The following LRP1B variants were observed in gnomAD, a reference collection of about 807,000 sequenced individuals.
LRP1B encodes the protein LDL receptor related protein 1B.
Under a neutral mutation model 556.6 loss-of-function variants are expected in LRP1B, and 217 were observed. The ratio of observed to expected loss-of-function variants is 0.39; its 90% confidence interval spans 0.35 to 0.44. The LOEUF is 0.44. Among genes scored for constraint, LRP1B ranks in the 20% least tolerant of loss-of-function variants. The probability of loss-of-function intolerance (pLI) is 1.00; values close to 1 mark genes in which losing one functional copy is unlikely to be tolerated. For missense variants in LRP1B, 5,053 were observed against 5,620.8 expected, an observed-to-expected ratio of 0.90 and a Z score of 3.23; for synonymous variants, 2,047 against 1,865.8, an observed-to-expected ratio of 1.10 and a Z score of -2.50.
intron 76 of LRP1B, among the ~76,000 whole-genome samples, chr2:140,351,844 G>A (rs533231303): frequency 1.8e-4 from 28 of 152,144 alleles, no homozygotes; most frequent in African/African-American, 5.8e-4. Context: ...TGTGTCAGAC[G>A]CTATGTTAAG....
chr2:140,893,343 C>T (rs991787677), intron 23 of LRP1B, among the ~76,000 whole-genome samples: 17 of 152,136 alleles, frequency 1.1e-4, no homozygotes, highest in African/African-American at 4.1e-4. Flanking sequence ...AAAGTGGATG[C>T]AAGTAACAAA....
chr2:140,671,353 T>C (rs1685476503), intron 41 of LRP1B, among the ~76,000 whole-genome samples: 1 of 152,134 alleles, frequency 6.6e-6, no homozygotes, highest in Non-Finnish European at 1.5e-5. Flanking sequence ...ACCCCGTCTC[T>C]ACTAAAAATA....
At position 140,969,120 on chromosome 2, in the gene LRP1B, A is replaced by G. The variant is rs537833951; in HGVS notation, c.2887+13040T>C. Among the ~76,000 whole-genome samples the G allele has an allele frequency of 4.2e-3, 637 of 152,224 alleles. 5 individuals are homozygous for G. The highest frequency in any genetic ancestry group is 0.014 in the African/African-American group (596 of 41,552). On this transcript the variant is annotated intron_variant, in intron 18 of 90. Transcript: ENST00000389484. ...CTGTCTCGTTGATCTGTCTAATGTT[A>G]ACAGTGGTGTGTTAAAGTCTCCCAT...
At chr2:141,361,963 T>C (rs1688841249) in intron 3 of LRP1B, among the ~76,000 whole-genome samples, 1 of 152,110 alleles carries the variant, frequency 6.6e-6, no homozygotes, top group African/African-American at 2.4e-5. Flanking sequence ...GTATATAACA[T>C]ATGGAAGGAT....
intron 2 of LRP1B, among the ~76,000 whole-genome samples, chr2:141,496,807 C>A (rs988680568): frequency 6.6e-6 from 1 of 151,632 alleles, no homozygotes; most frequent in African/African-American, 2.4e-5. Flanking sequence ...AAAAGAAGAA[C>A]CAGATATAAA....
intron 3 of LRP1B, among the ~76,000 whole-genome samples, chr2:141,395,139 T>C (rs1690195557): frequency 6.6e-6 from 1 of 152,118 alleles, no homozygotes; most frequent in East Asian, 1.9e-4. Context: ...ATAAATTGAA[T>C]GTAGTGTAAG....
chr2:141,442,273 A>G (rs1193125248), intron 3 of LRP1B, among the ~76,000 whole-genome samples: 1 of 152,200 alleles, frequency 6.6e-6, no homozygotes, highest in Non-Finnish European at 1.5e-5. Context: ...CACTTATGAG[A>G]AAATAAAAGT....
At position 140,840,088 on chromosome 2, in the gene LRP1B, T is replaced by G. The variant is rs1238997319; in HGVS notation, c.5115-3A>C. The G allele has an allele frequency of 6.3e-7, 1 of 1,576,128 alleles. No homozygotes were observed. Among genetic ancestry groups the G allele is most frequent in the African/African-American group, 1.4e-5 (1 of 73,384 alleles). The stretch of plus-strand genomic sequence containing the variant: ...TTCCATCGGTCCAGTAGAGTTTTCT[T>G]AATTCAAAAGACATATGGATTGAAA... On this transcript the variant is annotated splice_polypyrimidine_tract_variant and splice_region_variant and intron_variant, in intron 30 of 90. Transcript: ENST00000389484.
At chr2:140,825,501 T>C (rs533315781) in intron 31 of LRP1B, among the ~76,000 whole-genome samples, 6 of 152,286 alleles carry the variant, frequency 3.9e-5, no homozygotes, top group African/African-American at 1.4e-4. Flanking sequence ...CCATGTTCCT[T>C]ATGTTTTGTT....
At position 141,096,619 on chromosome 2, in the gene LRP1B, GGGGAGAGGGGGAGA is replaced by G. The variant is rs1242570263; in HGVS notation, c.1014-34360_1014-34347del. ...GCACCCTAGCCTGAATGACAAAGACGGGGAGAGGGGGAGAGAGAGAGAGAGAGAGAGAGAGAGAG... is the reference window on the plus strand; with the variant it reads ...GCACCCTAGCCTGAATGACAAAGACGGAGAGAGAGAGAGAGAGAGAGAGAG... On this transcript the variant is annotated intron_variant, in intron 7 of 90. Coordinates refer to ENST00000389484, the MANE Select transcript of LRP1B (RefSeq NM_018557.3). Among the ~76,000 whole-genome samples the G allele has an allele frequency of 1.2e-3, 40 of 34,014 alleles. 1 individual carries two copies. Among genetic ancestry groups the G allele is most frequent in the Middle Eastern group, 0.018 (1 of 56 alleles). 22.3% of individuals were successfully genotyped at this position (34,014 alleles called of 152,430 possible).
At chr2:140,540,240 A>G (rs1441960746) in intron 45 of LRP1B, among the ~76,000 whole-genome samples, 3 of 152,126 alleles carry the variant, frequency 2.0e-5, no homozygotes, top group Non-Finnish European at 1.5e-5. Flanking sequence ...ACACATCCTG[A>G]GAATGATTTC....
In LRP1B at chr2:140,763,041, C is replaced by CT. The variant is rs534123909; in HGVS notation, c.5758+6171dup. On this transcript the variant is annotated intron_variant, in intron 35 of 90. Coordinates refer to ENST00000389484, the MANE Select transcript of LRP1B (RefSeq NM_018557.3). ...AAATAAACAGGTACCAATCTATACTCTAAGTATCAGAGTATGGAGTAATTT... is the reference window on the plus strand; with the variant it reads ...AAATAAACAGGTACCAATCTATACTCTTAAGTATCAGAGTATGGAGTAATTT... Among the ~76,000 whole-genome samples, 27 of 152,158 alleles carry CT rather than the reference C, an allele frequency of 1.8e-4. No homozygotes were observed. The South Asian group carries it at 5.6e-3, about 32-fold the overall frequency.
At chr2:140,661,808 T>G (rs1685103568) in intron 41 of LRP1B, among the ~76,000 whole-genome samples, 2 of 152,236 alleles carry the variant, frequency 1.3e-5, no homozygotes, top group Non-Finnish European at 2.9e-5. Context: ...TATTTCAAAA[T>G]CATGTCATAT....
chr2:141,952,092 C>T (rs1701122949), intron 1 of LRP1B, among the ~76,000 whole-genome samples: 1 of 148,564 alleles, frequency 6.7e-6, no homozygotes, highest in South Asian at 2.1e-4. Context: ...TGAGTGAGAA[C>T]ATGCGGTGTT....
chr2:141,717,441 G>A (rs1692647384), intron 2 of LRP1B, among the ~76,000 whole-genome samples: 1 of 152,184 alleles, frequency 6.6e-6, no homozygotes, highest in South Asian at 2.1e-4. Flanking sequence ...GAACTCCAGT[G>A]TTTTCCAAAT....
intron 41 of LRP1B, among the ~76,000 whole-genome samples, chr2:140,607,553 T>C (rs1682912349): frequency 6.6e-6 from 1 of 151,680 alleles, no homozygotes; most frequent in Admixed American, 6.6e-5. Flanking sequence ...TGAATAAAAT[T>C]TAGTACATCC....
At chr2:141,840,308 C>G (rs1259562833) in intron 1 of LRP1B, among the ~76,000 whole-genome samples, 1 of 138,936 alleles carries the variant, frequency 7.2e-6, no homozygotes, top group Non-Finnish European at 1.5e-5. Context: ...CTGTCGCCCA[C>G]GCTGGAGTGC....
intron 75 of LRP1B, among the ~76,000 whole-genome samples, chr2:140,354,726 T>C (rs1467463234): frequency 6.6e-6 from 1 of 152,018 alleles, no homozygotes; most frequent in Non-Finnish European, 1.5e-5. Context: ...CATGAGCTTT[T>C]GAAGGGGATG....
At chr2:141,601,896 C>A (rs1378146044) in intron 2 of LRP1B, among the ~76,000 whole-genome samples, 1 of 152,088 alleles carries the variant, frequency 6.6e-6, no homozygotes, top group East Asian at 1.9e-4. Context: ...GCCACCGCGT[C>A]CGGCCTTAGC....
Sources: gnomAD v4.1 joint callset for allele counts (sites outside exome capture counted in the v4.1 genomes callset) on GRCh38, gnomAD v4.1.1 for gene constraint, MANE v1.5 for transcripts, NCBI Gene and HGNC (gene_info 2026-07-23, HGNC 2026-07-21) for gene names.